ABCB5: variants seen among roughly 807,000 people sequenced by gnomAD.
ABCB5 encodes the protein ATP-binding cassette sub-family B member 5.
ABCB5 carries 155 observed loss-of-function variants against 144.2 expected under a neutral mutation model. The observed-to-expected ratio is 1.08, with a 90% CI of 0.94 to 1.23. The LOEUF is 1.23. ABCB5 is among the 50% of genes most tolerant of loss of function. The pLI is 0.00. For synonymous variants in ABCB5, 610 were observed against 528.6 expected, an observed-to-expected ratio of 1.15 and a Z score of -2.11; for missense variants, 1,830 against 1,520.8, an observed-to-expected ratio of 1.20 and a Z score of -3.38.
Position 20,691,099 on chromosome 7 carries a change from C to T in ABCB5, c.2010+5263C>T, listed in dbSNP as rs1786207407. Reference sequence around the variant, plus strand: ...AAATGAGATGAAACTTGTCATTGACCCAGTTTAAGGTCTGAGTAGTTTTCA... The same window carrying T: ...AAATGAGATGAAACTTGTCATTGACTCAGTTTAAGGTCTGAGTAGTTTTCA... On this transcript the variant is annotated intron_variant, in intron 16 of 27. Transcript: ENST00000404938. 4.7e-5 allele frequency among the ~76,000 whole-genome samples: 7 copies of T among 149,604 alleles called. No individual in the cohort carries two copies. The Admixed American group carries it at 4.7e-4, about 10-fold the overall frequency.
chr7:20,621,552 T>C (rs972686626), intron 1 of ABCB5, among the ~76,000 whole-genome samples: 3 of 152,126 alleles, frequency 2.0e-5, no homozygotes, highest in Non-Finnish European at 2.9e-5. Context: ...GAAACATATC[T>C]TTTGATTCTA....
Position 20,709,210 on chromosome 7 carries a change from T to C in ABCB5, c.2421+4403T>C, listed in dbSNP as rs1453921611. Among the ~76,000 whole-genome samples the C allele has an allele frequency of 1.3e-5, 2 of 150,954 alleles. 1 individual carries two copies. Among genetic ancestry groups the C allele is most frequent in the Non-Finnish European group, 3.0e-5 (2 of 67,616 alleles). ...CTGCTACAATCAAACATGATATAATTAACTCACAATCCATAAGTGCCTTTC... is the reference window on the plus strand; with the variant it reads ...CTGCTACAATCAAACATGATATAATCAACTCACAATCCATAAGTGCCTTTC... On this transcript the variant is annotated intron_variant, in intron 20 of 27. Transcript: ENST00000404938.
intron 21 of ABCB5, among the ~76,000 whole-genome samples, chr7:20,724,759 G>A (rs1650670737): frequency 6.6e-6 from 1 of 151,722 alleles, no homozygotes; most frequent in Non-Finnish European, 1.5e-5. Context: ...CGGTGAATGT[G>A]TCACAATTGG....
intron 2 of ABCB5, among the ~76,000 whole-genome samples, chr7:20,623,797 GT>G (rs1252365293): frequency 1.3e-5 from 2 of 152,140 alleles, no homozygotes; most frequent in African/African-American, 4.8e-5. Context: ...TTAATTGAGA[GT>G]TTTTAAATGG....
At chr7:20,717,312 C>G (rs10230211) in intron 20 of ABCB5, among the ~76,000 whole-genome samples, 1,998 of 152,178 alleles carry the variant, frequency 0.013, 36 homozygotes, top group African/African-American at 0.042. Context: ...AGCTAGAAGC[C>G]CAAGAACAAG....
At chr7:20,648,964 G>C (rs1339875600) in intron 11 of ABCB5, among the ~76,000 whole-genome samples, 1 of 152,088 alleles carries the variant, frequency 6.6e-6, no homozygotes. Flanking sequence ...AACTGTATTT[G>C]GATTGGCTTC....
Position 20,678,644 on chromosome 7 carries a change from A to AC in ABCB5, c.1708-2861_1708-2860insC, listed in dbSNP as rs199565021. On this transcript the variant is annotated intron_variant, in intron 14 of 27. Transcript: ENST00000404938. ...AACAAAAACAAAAACAAAAACAAAA[A>AC]AAAACACATTACCTCAAGAATAGTC... is the stretch of plus-strand genomic sequence containing the variant. Among the ~76,000 whole-genome samples, 705 of 149,696 alleles carry AC rather than the reference A, an allele frequency of 4.7e-3. 5 individuals are homozygous for AC. The highest frequency in any genetic ancestry group is 0.017 in the African/African-American group (674 of 40,028).
At chr7:20,728,225 C>A in intron 22 of ABCB5, 90 bp from the exon 23 acceptor site, 1 of 1,398,052 alleles carries the variant, frequency 7.2e-7, no homozygotes, top group Non-Finnish European at 9.5e-7. Flanking sequence ...TATAACATTT[C>A]AAAGTCCTCT....
chr7:20,684,986 A>G (rs1194281450), intron 15 of ABCB5, among the ~76,000 whole-genome samples: 1 of 152,192 alleles, frequency 6.6e-6, no homozygotes, highest in Non-Finnish European at 1.5e-5. Context: ...CATTCAAATG[A>G]ACAGAGAATC....
intron 1 of ABCB5, among the ~76,000 whole-genome samples, chr7:20,621,178 A>G (rs532538142): frequency 6.6e-6 from 1 of 152,250 alleles, no homozygotes; most frequent in South Asian, 2.1e-4. Flanking sequence ...TGAGACACCT[A>G]CAATAGTCAA....
At chr7:20,649,522 G>A (rs1934180135) in intron 11 of ABCB5, among the ~76,000 whole-genome samples, 1 of 152,104 alleles carries the variant, frequency 6.6e-6, no homozygotes, top group African/African-American at 2.4e-5. Flanking sequence ...TCCCTCATGG[G>A]TCACCATGAG....
At chr7:20,647,396 T>C (rs1784436268) in intron 9 of ABCB5, 139 bp from the exon 10 acceptor site, 2 of 1,380,712 alleles carry the variant, frequency 1.4e-6, no homozygotes, top group Admixed American at 3.4e-5. Flanking sequence ...TCTTTTTTAT[T>C]TGGTCATATC....
intron 16 of ABCB5, among the ~76,000 whole-genome samples, chr7:20,686,684 C>T (rs1562562348): frequency 6.6e-6 from 1 of 152,126 alleles, no homozygotes. Flanking sequence ...CACCCTTGCC[C>T]CTGTATCTCA....
intron 21 of ABCB5, among the ~76,000 whole-genome samples, chr7:20,726,348 T>C (rs944703530): frequency 1.4e-5 from 2 of 145,292 alleles, no homozygotes; most frequent in Non-Finnish European, 3.0e-5. Context: ...GATTACTTTA[T>C]CTCTGCTATC....
chr7:20,692,978 C>G (rs759387619), intron 16 of ABCB5, among the ~76,000 whole-genome samples: 1 of 152,034 alleles, frequency 6.6e-6, no homozygotes, highest in African/African-American at 2.4e-5. Flanking sequence ...AATAGAAATT[C>G]GGCAGAAACA....
At chr7:20,709,049 G>C (rs1786918923) in intron 20 of ABCB5, among the ~76,000 whole-genome samples, 1 of 152,114 alleles carries the variant, frequency 6.6e-6, no homozygotes, top group Admixed American at 6.5e-5. Flanking sequence ...CAAGATCCAG[G>C]AAAAACTACT....
chr7:20,681,018 CTTTCTT>C (rs1355333194), intron 14 of ABCB5, among the ~76,000 whole-genome samples: 6 of 12,502 alleles, frequency 4.8e-4, no homozygotes, highest in African/African-American at 1.2e-3. Context: ...TTCTTTCTTT[CTTTCTT>C]TCTTTCTTTC....
In ABCB5 at chr7:20,627,197, T is replaced by C. The variant is rs139149922; in HGVS notation, c.108+586T>C. On this transcript the variant is annotated intron_variant, in intron 3 of 27. Transcript: ENST00000404938. ...TCTGTGTCAGCCTGGCTGTCAATGT[T>C]ATGTCCCTACAAATATACATGAAAC... Among the ~76,000 whole-genome samples the C allele has an allele frequency of 1.6e-3, 250 of 152,238 alleles. 1 individual carries two copies. Among genetic ancestry groups the C allele is most frequent in the Non-Finnish European group, 2.8e-3 (191 of 68,026 alleles).
At chr7:20,726,591 T>G (rs1435412619) in intron 21 of ABCB5, among the ~76,000 whole-genome samples, 3 of 152,144 alleles carry the variant, frequency 2.0e-5, no homozygotes, top group Admixed American at 2.0e-4. Flanking sequence ...GGTTTCGAAC[T>G]CCTGGCCTCA....
Sources: allele counts gnomAD v4.1 joint callset (sites outside exome capture counted in the v4.1 genomes callset), GRCh38; gene constraint gnomAD v4.1.1; transcripts MANE v1.5; gene names NCBI Gene and HGNC (gene_info 2026-07-23, HGNC 2026-07-21).